HELQ: variants seen among roughly 807,000 people sequenced by gnomAD.
The protein encoded by HELQ is helicase, POLQ like, also known as helicase POLQ-like.
In HELQ, 77 loss-of-function variants were observed where a neutral mutation model predicts 111.6. That is an observed-to-expected ratio of 0.69 (90% CI 0.57 to 0.83). The LOEUF is 0.83. Among genes scored for constraint, HELQ ranks in the 40% least tolerant of loss-of-function variants. The pLI is 0.00. For missense variants in HELQ, 1,200 were observed against 1,288.5 expected (o/e 0.93, Z 1.05); for synonymous variants, 438 against 454.7 (o/e 0.96, Z 0.47).
intron 14 of HELQ, 53 bp from the exon 15 acceptor site, chr4:83,421,789 G>T: frequency 7.1e-7 from 1 of 1,415,566 alleles, no homozygotes. Context: ...AAAAATGTAT[G>T]TTATTAAAAT....
At chr4:83,422,395 T>C (rs573100556) in intron 14 of HELQ, among the ~76,000 whole-genome samples, 2 of 152,294 alleles carry the variant, frequency 1.3e-5, no homozygotes, top group South Asian at 4.1e-4. Context: ...GGAAACAAGA[T>C]ATTTGCAGAT....
Position 83,446,191 on chromosome 4 carries a change from A to G in HELQ, c.1393-105T>C, listed in dbSNP as rs992869910. On this transcript the variant is annotated intron_variant, in intron 4 of 17. Transcript: ENST00000295488. ...AATTTGTTTGTAAAGAGTTGCTTAT[A>G]ACTTTTAAGTATTTTGAATATAACA... is the stretch of plus-strand genomic sequence containing the variant. The G allele has an allele frequency of 9.2e-6, 7 of 758,024 alleles. No individual in the cohort carries two copies. In the African/African-American group the frequency reaches 1.2e-4, roughly 13 times the overall value. 47.0% of individuals were successfully genotyped at this position (758,024 alleles called of 1,614,324 possible). A position where few individuals can be genotyped will look rare whatever the true frequency, so the allele number is the denominator to read the frequency against.
At chr4:83,427,932 CT>C (rs1719931268) in intron 12 of HELQ, among the ~76,000 whole-genome samples, 1 of 152,130 alleles carries the variant, frequency 6.6e-6, no homozygotes, top group Non-Finnish European at 1.5e-5. Context: ...TTTGGGGAAT[CT>C]AATCCAGAGA....
At chr4:83,437,197 T>G (rs1001267148) in intron 8 of HELQ, 100 bp from the exon 9 acceptor site, 2 of 1,131,430 alleles carry the variant, frequency 1.8e-6, no homozygotes, top group Admixed American at 4.7e-5. Context: ...CATTCTTTAA[T>G]GTACTATTTC....
intron 9 of HELQ, among the ~76,000 whole-genome samples, chr4:83,434,281 G>A (rs1720327285): frequency 6.6e-6 from 1 of 151,966 alleles, no homozygotes. Context: ...TGAGGCAGGA[G>A]AATCGCTTGA....
At chr4:83,412,373 T>C (rs546495219) in intron 17 of HELQ, among the ~76,000 whole-genome samples, 1 of 152,334 alleles carries the variant, frequency 6.6e-6, no homozygotes, top group African/African-American at 2.4e-5. Context: ...TAGACATATA[T>C]TGGTCTTCAT....
In HELQ at chr4:83,418,190, C is replaced by A. The variant is rs1218627715; in HGVS notation, c.2966G>T (p.Trp989Leu). The A allele has an allele frequency of 6.3e-7, 1 of 1,589,896 alleles. No individual in the cohort carries two copies. Among genetic ancestry groups the A allele is most frequent in the Non-Finnish European group, 8.6e-7 (1 of 1,163,578 alleles). The change falls in exon 16 of 18, where the codon TGG (tryptophan) becomes TTG (leucine). Residue 989 changes from tryptophan to leucine, a missense_variant. Physicochemically the swap from Trp to Leu is moderately conservative, Grantham distance 61. This residue lies in a region of HELQ where 585 missense variants were observed against 665.3 expected (regional missense o/e 0.88). Transcript: ENST00000295488. ...TTCTACCAAAAGGGCTCTGTAAACC[C>A]AAAACTCCTCAAGCTCCTGTAGAAC... ...LHFCEELEEF[W>L]VYRALLVELT...
At chr4:83,415,619 T>C (rs1739315670) in intron 17 of HELQ, among the ~76,000 whole-genome samples, 1 of 151,044 alleles carries the variant, frequency 6.6e-6, no homozygotes, top group Non-Finnish European at 1.5e-5. Context: ...TATACTTCAA[T>C]GAACCCTTGA....
chr4:83,417,604 A>G (rs1739434254), intron 16 of HELQ, among the ~76,000 whole-genome samples: 1 of 152,182 alleles, frequency 6.6e-6, no homozygotes, highest in Admixed American at 6.5e-5. Context: ...CTGACTCAAG[A>G]ACTGAATAAC....
intron 17 of HELQ, among the ~76,000 whole-genome samples, chr4:83,415,259 GATT>G (rs1739300137): frequency 6.6e-6 from 1 of 152,104 alleles, no homozygotes; most frequent in Non-Finnish European, 1.5e-5. Context: ...CCTAAAACTT[GATT>G]ATTTAATACA....
intron 15 of HELQ, 150 bp from the exon 16 acceptor site, chr4:83,418,356 A>C: frequency 2.2e-6 from 1 of 448,008 alleles, no homozygotes; most frequent in Admixed American, 4.1e-5. Context: ...TAAGCAAAAC[A>C]GATGTGAAGA....
rs71668650 is a variant in HELQ, at chr4:83,450,222, T to TAAAAAAAAAAAAAAAAAAAAA, written c.1013-1282_1013-1262dup. 4.4e-5 allele frequency among the ~76,000 whole-genome samples: 2 copies of TAAAAAAAAAAAAAAAAAAAAA among 45,608 alleles called. 1 individual carries two copies. The highest frequency in any genetic ancestry group is 1.1e-4 in the Non-Finnish European group (2 of 19,030). The allele number at this position is 45,608 out of a possible 152,430, so 29.9% of individuals were successfully genotyped here. Reference sequence around the variant, plus strand: ...TGTATGTTCAATATACAGTTAAGTTTAAAAAAAAAAAAAAAAAAAAAAAAA... The same window carrying TAAAAAAAAAAAAAAAAAAAAA: ...TGTATGTTCAATATACAGTTAAGTTTAAAAAAAAAAAAAAAAAAAAAAAAAAAAAAAAAAAAAAAAAAAAAA... On this transcript the variant is annotated intron_variant, in intron 2 of 17. Coordinates refer to ENST00000295488, the MANE Select transcript of HELQ (RefSeq NM_133636.5).
chr4:83,428,600 A>C (rs1560546042), intron 12 of HELQ, among the ~76,000 whole-genome samples: 2 of 152,000 alleles, frequency 1.3e-5, no homozygotes, highest in Non-Finnish European at 2.9e-5. Flanking sequence ...CAACCCCCAC[A>C]ACACTTTATT....
chr4:83,432,272 G>A lies in HELQ; in HGVS notation c.2049-5C>T, dbSNP rs2109988562. On this transcript the variant is annotated splice_polypyrimidine_tract_variant and splice_region_variant and intron_variant, in intron 9 of 17. Coordinates refer to ENST00000295488, the MANE Select transcript of HELQ (RefSeq NM_133636.5). Reference sequence around the variant, plus strand: ...TAGGGAGCTCTTAAAATAACTCTGTGGAATTAATGAAAAATGATACTCTAC... The same window carrying A: ...TAGGGAGCTCTTAAAATAACTCTGTAGAATTAATGAAAAATGATACTCTAC... 6.5e-7 allele frequency: 1 copy of A among 1,529,166 alleles called. No individual in the cohort carries two copies. Among genetic ancestry groups the A allele is most frequent in the Non-Finnish European group, 8.8e-7 (1 of 1,139,606 alleles). The allele number at this position is 1,529,166 out of a possible 1,614,324, so 94.7% of individuals were successfully genotyped here.
At chr4:83,432,105 A>G in intron 10 of HELQ, 21 bp downstream of exon 10, 1 of 1,545,364 alleles carries the variant, frequency 6.5e-7, no homozygotes, top group Non-Finnish European at 8.7e-7. Context: ...AAAACAACCA[A>G]CCAACCAAAT....
At chr4:83,447,293 G>C (rs189672515) in intron 3 of HELQ, among the ~76,000 whole-genome samples, 37 of 152,224 alleles carry the variant, frequency 2.4e-4, no homozygotes, top group Middle Eastern at 3.4e-3. Flanking sequence ...GCTGCAGTAA[G>C]CCTTGGTCAT....
At chr4:83,416,984 T>C in intron 16 of HELQ, 119 bp from the exon 17 acceptor site, 2 of 861,414 alleles carry the variant, frequency 2.3e-6, no homozygotes, top group Non-Finnish European at 3.5e-6. Flanking sequence ...ATAAAGTAAA[T>C]ATGAAGAGAC....
chr4:83,453,069 G>GT, intron 2 of HELQ, 162 bp downstream of exon 2: 1 of 560,538 alleles, frequency 1.8e-6, no homozygotes, highest in South Asian at 2.4e-5. Context: ...AGGTTCAGTG[G>GT]TAGCAGGACA....
intron 3 of HELQ, among the ~76,000 whole-genome samples, chr4:83,447,344 C>G (rs1163156510): frequency 6.6e-6 from 1 of 151,990 alleles, no homozygotes; most frequent in East Asian, 1.9e-4. Flanking sequence ...AAGACCCTGA[C>G]TCAAAAATAA....
Sources: allele counts gnomAD v4.1 joint callset (sites outside exome capture counted in the v4.1 genomes callset), GRCh38; gene constraint gnomAD v4.1.1; regional missense constraint gnomAD v4.1.1; transcripts MANE v1.5; gene names NCBI Gene and HGNC (gene_info 2026-07-23, HGNC 2026-07-21).